Variants in CEP112 observed in about 807,000 individuals in gnomAD.
CEP112 encodes centrosomal protein of 112 kDa.
In CEP112, 127 loss-of-function variants were observed where a neutral mutation model predicts 153.0. The ratio of observed to expected loss-of-function variants is 0.83; its 90% CI spans 0.72 to 0.96. CEP112 has a LOEUF of 0.96. Among genes scored for constraint, CEP112 ranks in the 40% least tolerant of loss-of-function variants. CEP112 has a pLI of 0.00. For synonymous variants in CEP112, 358 were observed against 374.4 expected, an observed-to-expected ratio of 0.96 and a Z score of 0.51; for missense variants, 1,089 against 1,101.2, an observed-to-expected ratio of 0.99 and a Z score of 0.16.
chr17:66,116,234 T>A (rs73353845), intron 6 of CEP112, among the ~76,000 whole-genome samples: 5,267 of 152,288 alleles, frequency 0.035, 335 homozygotes, highest in African/African-American at 0.12. Flanking sequence ...GAGCTCTGTA[T>A]CTACCATTAT....
intron 21 of CEP112, among the ~76,000 whole-genome samples, chr17:65,806,738 G>C (rs1022920460): frequency 3.3e-5 from 5 of 152,252 alleles, no homozygotes; most frequent in African/African-American, 1.2e-4. Flanking sequence ...CTTCTGCCAT[G>C]ATTGTAAGTT....
chr17:65,716,970 A>G (rs1426038807), intron 23 of CEP112, among the ~76,000 whole-genome samples: 1 of 152,218 alleles, frequency 6.6e-6, no homozygotes, highest in Non-Finnish European at 1.5e-5. Flanking sequence ...TATTATTGCC[A>G]TCCCCTTTAA....
At chr17:66,111,224 T>C (rs536969450) in intron 6 of CEP112, among the ~76,000 whole-genome samples, 1 of 152,110 alleles carries the variant, frequency 6.6e-6, no homozygotes, top group East Asian at 1.9e-4. Flanking sequence ...GCTGGCAAGG[T>C]TGTGGAGAAG....
intron 2 of CEP112, among the ~76,000 whole-genome samples, chr17:66,179,550 C>T (rs902569404): frequency 1.3e-5 from 2 of 152,066 alleles, no homozygotes; most frequent in African/African-American, 4.8e-5. Context: ...TACCCTGCAT[C>T]TTTACTGAAT....
chr17:65,818,496 G>A (rs977703217), intron 21 of CEP112, among the ~76,000 whole-genome samples: 5 of 151,790 alleles, frequency 3.3e-5, no homozygotes, highest in African/African-American at 1.2e-4. Context: ...TCCAGTGAAT[G>A]ATCATCAGAA....
intron 16 of CEP112, among the ~76,000 whole-genome samples, chr17:66,007,466 T>C (rs1158673614): frequency 6.6e-6 from 1 of 152,216 alleles, no homozygotes; most frequent in Non-Finnish European, 1.5e-5. Context: ...ATCCCTAATA[T>C]GTATTACAGT....
At chr17:66,062,702 C>G (rs189985458) in intron 11 of CEP112, among the ~76,000 whole-genome samples, 2 of 152,196 alleles carry the variant, frequency 1.3e-5, no homozygotes, top group African/African-American at 4.8e-5. Context: ...AATCTGTTGG[C>G]TGATAAGAAA....
intron 12 of CEP112, among the ~76,000 whole-genome samples, chr17:66,041,518 T>A (rs531120677): frequency 6.6e-6 from 1 of 152,278 alleles, no homozygotes; most frequent in East Asian, 1.9e-4. Context: ...GGCTAGTATA[T>A]ACTGTATACA....
chr17:66,088,152 C>T (rs764617734), intron 8 of CEP112, among the ~76,000 whole-genome samples: 1 of 152,002 alleles, frequency 6.6e-6, no homozygotes, highest in Non-Finnish European at 1.5e-5. Context: ...CCAGCCCCTA[C>T]AGACTAAGGT....
At chr17:66,025,867 T>C (rs2065178167) in intron 16 of CEP112, among the ~76,000 whole-genome samples, 1 of 147,636 alleles carries the variant, frequency 6.8e-6, no homozygotes, top group Admixed American at 6.9e-5. Context: ...TAGCAAAACA[T>C]GGAATCAACT....
chr17:66,165,721 T>C (rs1291749900), intron 4 of CEP112, among the ~76,000 whole-genome samples: 1 of 152,224 alleles, frequency 6.6e-6, no homozygotes, highest in Non-Finnish European at 1.5e-5. Flanking sequence ...GTTTTCATTA[T>C]ACTTGATCAC....
At chr17:65,985,170 T>G (rs1444103003) in intron 17 of CEP112, among the ~76,000 whole-genome samples, 2 of 152,092 alleles carry the variant, frequency 1.3e-5, no homozygotes, top group Non-Finnish European at 2.9e-5. Context: ...AGAAAAAAGT[T>G]TTAAGATGGA....
At chr17:66,102,584 T>C (rs2068608077) in intron 6 of CEP112, among the ~76,000 whole-genome samples, 2 of 149,172 alleles carry the variant, frequency 1.3e-5, no homozygotes, top group Admixed American at 6.7e-5. Context: ...GATCACAAGG[T>C]CAGGAGATCA....
At chr17:65,969,703 C>T (rs1037071058) in intron 17 of CEP112, among the ~76,000 whole-genome samples, 1 of 152,182 alleles carries the variant, frequency 6.6e-6, no homozygotes, top group Non-Finnish European at 1.5e-5. Context: ...ATATTACACG[C>T]ATACAGGAAT....
At chr17:65,920,359 C>CAAACAAAAAAAAAAAA (rs1178505560) in intron 19 of CEP112, among the ~76,000 whole-genome samples, 47 of 29,820 alleles carry the variant, frequency 1.6e-3, no homozygotes, top group African/African-American at 5.9e-3. Flanking sequence ...AACAAACAAA[C>CAAACAAAAAAAAAAAA]AAAATATATA....
Position 65,948,357 on chromosome 17 carries a change from A to G in CEP112, c.1872+13106T>C, listed in dbSNP as rs190183821. On this transcript the variant is annotated intron_variant, in intron 18 of 26. Coordinates refer to ENST00000535342, the MANE Select transcript of CEP112 (RefSeq NM_001199165.4). ...TAGCATTTAATAAGGATGTATTTTC[A>G]AGAGGAGAAAAATAAATTAGGAAAG... Among the ~76,000 whole-genome samples, 39 of 152,120 alleles carry G rather than the reference A, an allele frequency of 2.6e-4. No individual in the cohort carries two copies. The East Asian group carries it at 5.4e-3, about 21-fold the overall frequency.
intron 21 of CEP112, among the ~76,000 whole-genome samples, chr17:65,839,973 T>A (rs2057457886): frequency 6.6e-6 from 1 of 151,952 alleles, no homozygotes. Flanking sequence ...AGTAAAAGTT[T>A]CTACACTGAA....
intron 23 of CEP112, among the ~76,000 whole-genome samples, chr17:65,709,223 A>T (rs913499143): frequency 2.6e-5 from 4 of 152,254 alleles, no homozygotes; most frequent in African/African-American, 7.2e-5. Context: ...TAAAAAGATT[A>T]CTTTAATTAA....
intron 6 of CEP112, among the ~76,000 whole-genome samples, chr17:66,125,920 T>G (rs1487125601): frequency 6.6e-6 from 1 of 152,194 alleles, no homozygotes; most frequent in Admixed American, 6.5e-5. Context: ...TGTATGGCCA[T>G]TTTTCTTTTA....
Sources: allele counts gnomAD v4.1 joint callset (sites outside exome capture counted in the v4.1 genomes callset), GRCh38; gene constraint gnomAD v4.1.1; transcripts MANE v1.5; gene names NCBI Gene and HGNC (gene_info 2026-07-23, HGNC 2026-07-21).